NR2C1: variants seen among roughly 807,000 people sequenced by gnomAD.
The protein encoded by NR2C1 is nuclear receptor subfamily 2 group C member 1.
In NR2C1, 33 loss-of-function variants were observed where a neutral mutation model predicts 74.8. The ratio of observed to expected loss-of-function variants is 0.44; its 90% CI spans 0.33 to 0.59. The LOEUF (loss-of-function observed/expected upper bound fraction) is 0.59. NR2C1 is among the 20% of genes least tolerant of loss of function. NR2C1 has a pLI of 0.02. For synonymous variants in NR2C1, 225 were observed against 240.6 expected (o/e 0.94, Z 0.60); for missense variants, 568 against 715.6 (o/e 0.79, Z 2.35).
At chr12:95,038,469 A>T (rs80161427) in intron 10 of NR2C1, among the ~76,000 whole-genome samples, 2,074 of 152,344 alleles carry the variant, frequency 0.014, 22 homozygotes, top group Non-Finnish European at 0.021. Context: ...AAAATTAGTC[A>T]ATTGCTGGCT....
rs79760875 is a variant in NR2C1, at chr12:95,059,986, T to TAAAAAAAAAAAAAAAAA, written c.286-19_286-3dup. 9.3e-7 allele frequency: 1 copy of TAAAAAAAAAAAAAAAAA among 1,072,598 alleles called. No homozygotes were observed. 66.4% of individuals were successfully genotyped at this position (1,072,598 alleles called of 1,614,324 possible). A position where few individuals can be genotyped will look rare whatever the true frequency, so the allele number is the denominator to read the frequency against. On this transcript the variant is annotated splice_region_variant and splice_polypyrimidine_tract_variant and intron_variant, in intron 3 of 13. Transcript: ENST00000333003. The stretch of plus-strand genomic sequence containing the variant: ...GTCTGGAGAATTATCTGTTAGGAGC[T>TAAAAAAAAAAAAAAAAA]AAAAAAAAAAAAAAAAAAAAAGAAA...
chr12:95,059,923 C>A lies in NR2C1; in HGVS notation c.347G>T (p.Cys116Phe). Reference protein sequence around the residue: ...PNKVFDLCVVCGDKASGRHYG... With the variant: ...PNKVFDLCVVFGDKASGRHYG... ...AATGTTACCTGATGCTTTGTCTCCA[C>A]ATACTACGCAAAGATCAAAAACCTT... The change falls in exon 4 of 14, where the codon TGT (cysteine) becomes TTT (phenylalanine). Residue 116 changes from cysteine to phenylalanine, a missense_variant. Around this residue, in one of 6 missense-constraint regions of NR2C1, gnomAD observed 44 missense variants for 95.6 expected, o/e 0.46. Coordinates refer to ENST00000333003, the MANE Select transcript of NR2C1 (RefSeq NM_003297.4). 6.4e-7 allele frequency: 1 copy of A among 1,573,822 alleles called. No homozygotes were observed. Among genetic ancestry groups the A allele is most frequent in the Non-Finnish European group, 8.6e-7 (1 of 1,166,050 alleles).
chr12:95,033,179 G>A (rs181307133), intron 10 of NR2C1, among the ~76,000 whole-genome samples: 64 of 151,680 alleles, frequency 4.2e-4, no homozygotes, highest in Admixed American at 9.9e-4. Context: ...GAAAGTATAT[G>A]CCAGGTACTG....
Position 95,040,612 on chromosome 12 carries a change from G to A in NR2C1, c.1132-15C>T. On this transcript the variant is annotated splice_polypyrimidine_tract_variant and intron_variant, in intron 9 of 13. Coordinates refer to ENST00000333003, the MANE Select transcript of NR2C1 (RefSeq NM_003297.4). Reference sequence around the variant, plus strand: ...GGCATGGTGAGCTAGTATGAACAGGGATTTAGGTAAATTATCTTATGACTG... The same window carrying A: ...GGCATGGTGAGCTAGTATGAACAGGAATTTAGGTAAATTATCTTATGACTG... 1.3e-6 allele frequency: 2 copies of A among 1,581,958 alleles called. No homozygotes were observed. Among genetic ancestry groups the A allele is most frequent in the Non-Finnish European group, 1.7e-6 (2 of 1,163,000 alleles).
At chr12:95,033,409 G>GA (rs1870405532) in intron 10 of NR2C1, among the ~76,000 whole-genome samples, 1 of 151,992 alleles carries the variant, frequency 6.6e-6, no homozygotes, top group African/African-American at 2.4e-5. Context: ...TTTGACTGGA[G>GA]AAAGATGGCA....
rs1400285151 is a variant in NR2C1, at chr12:95,067,377, G to A, written c.8C>T (p.Thr3Ile). The A allele has an allele frequency of 1.2e-6, 2 of 1,612,448 alleles. No individual in the cohort carries two copies. Among genetic ancestry groups the A allele is most frequent in the African/African-American group, 2.7e-5 (2 of 74,766 alleles). MA[T>I]IEEIAHQIIE... ...AATTTGATGTGCAATTTCTTCTATG[G>A]TTGCCATGATCTACCTGCCAAAAAT... The change falls in exon 2 of 14, where the codon ACC becomes ATC. Residue 3 changes from threonine (T) to isoleucine (I), a missense_variant. Coordinates refer to ENST00000333003, the MANE Select transcript of NR2C1 (RefSeq NM_003297.4).
At chr12:95,027,020 C>A (rs532991978) in intron 12 of NR2C1, among the ~76,000 whole-genome samples, 1 of 152,234 alleles carries the variant, frequency 6.6e-6, no homozygotes, top group South Asian at 2.1e-4. Context: ...CAAATGTTGA[C>A]GTGACAACAG....
At chr12:95,042,363 C>A (rs1482540084) in intron 9 of NR2C1, among the ~76,000 whole-genome samples, 1 of 151,890 alleles carries the variant, frequency 6.6e-6, no homozygotes, top group African/African-American at 2.4e-5. Flanking sequence ...GCGTGTGCCA[C>A]CAGGCCCCGC....
intron 2 of NR2C1, among the ~76,000 whole-genome samples, chr12:95,065,074 T>C (rs925712265): frequency 5.3e-5 from 8 of 152,240 alleles, no homozygotes; most frequent in Non-Finnish European, 7.3e-5. Flanking sequence ...ATTGTAATAA[T>C]TGAATATTTG....
intron 13 of NR2C1, among the ~76,000 whole-genome samples, chr12:95,023,844 G>A (rs188979201): frequency 2.6e-3 from 396 of 152,226 alleles, no homozygotes; most frequent in African/African-American, 8.0e-3. Flanking sequence ...TGTATAATGA[G>A]GCATAGAGTA....
rs1344025102 is a variant in NR2C1 at position 95,022,205 on chromosome 12, T to C, written c.*24A>G. On this transcript the variant is annotated 3_prime_UTR_variant, in exon 14 of 14. Transcript: ENST00000333003. Reference sequence around the variant, plus strand: ...TGTGTTCTGGCAAAGAACAGTTAAGTTTACAGCACTGCAGTCACAGTTTTC... The same window carrying C: ...TGTGTTCTGGCAAAGAACAGTTAAGCTTACAGCACTGCAGTCACAGTTTTC... The C allele has an allele frequency of 7.0e-6, 11 of 1,575,912 alleles. No individual in the cohort carries two copies. The highest frequency in any genetic ancestry group is 9.4e-6 in the Non-Finnish European group (11 of 1,165,192).
chr12:95,056,772 C>G (rs1186200914), intron 7 of NR2C1, among the ~76,000 whole-genome samples: 1 of 152,032 alleles, frequency 6.6e-6, no homozygotes, highest in African/African-American at 2.4e-5. Flanking sequence ...TCCTGGCTAA[C>G]AAGGTGAAAC....
chr12:95,062,474 T>C (rs966860589), intron 3 of NR2C1, 34 bp downstream of exon 3: 2 of 1,445,380 alleles, frequency 1.4e-6, no homozygotes, highest in Non-Finnish European at 9.5e-7. Context: ...TTTTTATATA[T>C]GTAAGAGGAA....
intron 8 of NR2C1, among the ~76,000 whole-genome samples, chr12:95,050,259 A>C (rs922710964): frequency 1.3e-5 from 2 of 152,198 alleles, no homozygotes; most frequent in African/African-American, 4.8e-5. Context: ...CATGTTCAAC[A>C]AAGTATTACT....
In NR2C1 at chr12:95,071,011, C is replaced by G. The variant is rs946180126; in HGVS notation, c.-8+2369G>C. Among the ~76,000 whole-genome samples, 6 of 152,152 alleles carry G rather than the reference C, an allele frequency of 3.9e-5. No homozygotes were observed. In the East Asian group the frequency reaches 7.7e-4, roughly 20 times the overall value. On this transcript the variant is annotated intron_variant, in intron 1 of 13. Transcript: ENST00000333003. ...GGTCAAGAGTCCAAGACCAGCCTGG[C>G]CAACATGGTGAAACCCCATCTCTAC... is the stretch of plus-strand genomic sequence containing the variant.
rs186506099 is a variant in NR2C1 at position 95,048,507 on chromosome 12, T to C, written c.1131+561A>G. On this transcript the variant is annotated intron_variant, in intron 9 of 13. Coordinates refer to ENST00000333003, the MANE Select transcript of NR2C1 (RefSeq NM_003297.4). ...GATGCTTTATTACGCCATTATCTTATCTACATAAGGCTTTAGCCTCCTGCA... is the reference window on the plus strand; with the variant it reads ...GATGCTTTATTACGCCATTATCTTACCTACATAAGGCTTTAGCCTCCTGCA... 2.2e-4 allele frequency among the ~76,000 whole-genome samples: 34 copies of C among 152,340 alleles called. No homozygotes were observed. In the East Asian group the frequency reaches 4.2e-3, roughly 19 times the overall value.
intron 9 of NR2C1, among the ~76,000 whole-genome samples, chr12:95,044,651 C>T (rs965214885): frequency 1.3e-5 from 2 of 151,896 alleles, no homozygotes; most frequent in African/African-American, 2.4e-5. Context: ...TTGGGGGGGC[C>T]GAGGTGGGCG....
At chr12:95,052,483 G>A (rs1220817239) in intron 7 of NR2C1, among the ~76,000 whole-genome samples, 1 of 152,046 alleles carries the variant, frequency 6.6e-6, no homozygotes, top group African/African-American at 2.4e-5. Context: ...AAGAGACAAG[G>A]TCTCCCTTTG....
At chr12:95,025,376 A>T in intron 12 of NR2C1, 121 bp from the exon 13 acceptor site, 1 of 575,070 alleles carries the variant, frequency 1.7e-6, no homozygotes, top group Non-Finnish European at 3.0e-6. Flanking sequence ...TGTGTGGCTC[A>T]GGCCGGGCAT....
Sources: allele counts gnomAD v4.1 joint callset (sites outside exome capture counted in the v4.1 genomes callset), GRCh38; gene constraint gnomAD v4.1.1; regional missense constraint gnomAD v4.1.1; transcripts MANE v1.5; gene names NCBI Gene and HGNC (gene_info 2026-07-23, HGNC 2026-07-21).